FBXW11: variants seen among roughly 807,000 people sequenced by gnomAD.
The protein encoded by FBXW11 is F-box and WD repeat domain containing 11, also known as F-box/WD repeat-containing protein 11.
FBXW11 carries 19 observed loss-of-function variants against 77.6 expected under a neutral mutation model. The ratio of observed to expected loss-of-function variants is 0.24; its 90% confidence interval spans 0.17 to 0.36. The LOEUF (loss-of-function observed/expected upper bound fraction) is 0.36, where lower values mean the gene tolerates loss of function less well. Among genes scored for constraint, FBXW11 ranks in the 10% least tolerant of loss-of-function variants. FBXW11 has a pLI of 1.00. For missense variants in FBXW11, 334 were observed against 704.2 expected (o/e 0.47, Z 5.95); for synonymous variants, 235 against 249.4 (o/e 0.94, Z 0.54).
intron 1 of FBXW11, among the ~76,000 whole-genome samples, chr5:172,002,932 C>T (rs1260991241): frequency 6.6e-6 from 1 of 151,990 alleles, no homozygotes; most frequent in Non-Finnish European, 1.5e-5. Context: ...CTCCTGGGCT[C>T]AAGCAATCCT....
intron 4 of FBXW11, among the ~76,000 whole-genome samples, chr5:171,907,528 A>G (rs1760607551): frequency 1.3e-5 from 2 of 152,182 alleles, no homozygotes; most frequent in South Asian, 2.1e-4. Context: ...TAGGTCTACT[A>G]GATACTAACT....
chr5:171,911,390 C>T (rs1395133711), intron 3 of FBXW11, among the ~76,000 whole-genome samples: 1 of 152,116 alleles, frequency 6.6e-6, no homozygotes, highest in East Asian at 1.9e-4. Context: ...AACAAGTTTC[C>T]CAGCAATGCT....
At chr5:171,979,791 A>T (rs1765046813) in intron 1 of FBXW11, among the ~76,000 whole-genome samples, 1 of 152,200 alleles carries the variant, frequency 6.6e-6, no homozygotes. Flanking sequence ...TTTCTGCAGA[A>T]AGGGTACACT....
intron 13 of FBXW11, among the ~76,000 whole-genome samples, chr5:171,865,264 C>T (rs1161060240): frequency 1.3e-5 from 2 of 151,240 alleles, no homozygotes; most frequent in African/African-American, 4.9e-5. Flanking sequence ...CACATGTACC[C>T]TAGAACTTAA....
At chr5:171,946,530 C>G (rs1231375494) in intron 2 of FBXW11, among the ~76,000 whole-genome samples, 1 of 152,170 alleles carries the variant, frequency 6.6e-6, no homozygotes, top group Admixed American at 6.5e-5. Flanking sequence ...CTCCCTCATT[C>G]CACATTCCAG....
chr5:171,883,851 G>T (rs1447272656), intron 7 of FBXW11, among the ~76,000 whole-genome samples: 1 of 151,880 alleles, frequency 6.6e-6, no homozygotes, highest in Non-Finnish European at 1.5e-5. Flanking sequence ...TGATGGGATT[G>T]TTTGTTTTTT....
intron 1 of FBXW11, among the ~76,000 whole-genome samples, chr5:171,978,061 G>A (rs1328844602): frequency 6.6e-6 from 1 of 152,038 alleles, no homozygotes; most frequent in Non-Finnish European, 1.5e-5. Flanking sequence ...AACTCTAAAG[G>A]ACAAGCAGAG....
chr5:171,942,694 C>A (rs1386125067), intron 2 of FBXW11, among the ~76,000 whole-genome samples: 2 of 152,014 alleles, frequency 1.3e-5, no homozygotes, highest in African/African-American at 4.8e-5. Context: ...TCCAGTTGCT[C>A]AGAAGGCTGA....
chr5:171,902,787 A>G lies in FBXW11; in HGVS notation c.437-2687T>C, dbSNP rs192723294. On this transcript the variant is annotated intron_variant, in intron 4 of 13. Transcript: ENST00000517395. Reference sequence around the variant, plus strand: ...ACAGGTTTTGCCACTATCCAGGCATACAATGTATTTAGGCCTACTTGTCTA... The same window carrying G: ...ACAGGTTTTGCCACTATCCAGGCATGCAATGTATTTAGGCCTACTTGTCTA... Among the ~76,000 whole-genome samples the G allele has an allele frequency of 2.1e-3, 314 of 152,358 alleles. 1 individual carries two copies. The highest frequency in any genetic ancestry group is 3.6e-3 in the Non-Finnish European group (244 of 68,030).
At position 171,899,111 on chromosome 5, in the gene FBXW11, A is replaced by C. The variant is rs754754416; in HGVS notation, c.624-17T>G. The C allele has an allele frequency of 1.3e-6, 2 of 1,544,146 alleles. No individual in the cohort carries two copies. Among genetic ancestry groups the C allele is most frequent in the Non-Finnish European group, 1.8e-6 (2 of 1,135,886 alleles). Reference sequence around the variant, plus strand: ...TACTGATCCCTGGCAAATAAAAACAAACAGATGTTACATTTTTGCACATAA... The same window carrying C: ...TACTGATCCCTGGCAAATAAAAACACACAGATGTTACATTTTTGCACATAA... On this transcript the variant is annotated splice_polypyrimidine_tract_variant and intron_variant, in intron 5 of 13. Coordinates refer to ENST00000517395, the MANE Select transcript of FBXW11 (RefSeq NM_001378974.1).
intron 13 of FBXW11, among the ~76,000 whole-genome samples, chr5:171,866,522 T>C (rs555565681): frequency 1.3e-5 from 2 of 152,298 alleles, no homozygotes; most frequent in Non-Finnish European, 2.9e-5. Flanking sequence ...ACAAGTTTCC[T>C]TTCTACCACA....
chr5:171,931,655 A>C (rs1382669378), intron 2 of FBXW11, among the ~76,000 whole-genome samples: 2 of 152,228 alleles, frequency 1.3e-5, no homozygotes, highest in African/African-American at 4.8e-5. Flanking sequence ...ATCCATGAAG[A>C]ATTATTAAGC....
chr5:171,943,499 G>A (rs893729504), intron 2 of FBXW11, among the ~76,000 whole-genome samples: 1 of 151,972 alleles, frequency 6.6e-6, no homozygotes, highest in African/African-American at 2.4e-5. Flanking sequence ...TCGCTCTGTC[G>A]CCAGGCTGGA....
intron 1 of FBXW11, 54 bp from the exon 2 acceptor site, chr5:171,957,752 A>C: frequency 6.9e-7 from 1 of 1,457,818 alleles, no homozygotes; most frequent in Non-Finnish European, 9.6e-7. Flanking sequence ...GCCGCAACAA[A>C]TCACTCCTTC....
chr5:171,885,663 G>T (rs1279484852), intron 7 of FBXW11, among the ~76,000 whole-genome samples: 1 of 152,096 alleles, frequency 6.6e-6, no homozygotes, highest in Non-Finnish European at 1.5e-5. Flanking sequence ...TAACAATATT[G>T]TTGATATTTA....
chr5:171,897,088 G>A (rs1759792916), intron 6 of FBXW11, among the ~76,000 whole-genome samples: 1 of 152,178 alleles, frequency 6.6e-6, no homozygotes, highest in Non-Finnish European at 1.5e-5. Flanking sequence ...CCCACTAGCT[G>A]TGTGATCCTG....
intron 2 of FBXW11, among the ~76,000 whole-genome samples, chr5:171,952,443 A>ATATATATATATATATATT (rs1763384537): frequency 9.3e-5 from 1 of 10,760 alleles, no homozygotes; most frequent in Non-Finnish European, 2.1e-4. Context: ...ATATATATAT[A>ATATATATATATATATATT]TATATTTTTT....
intron 2 of FBXW11, among the ~76,000 whole-genome samples, chr5:171,921,688 T>C (rs1192118797): frequency 6.6e-6 from 1 of 152,144 alleles, no homozygotes; most frequent in African/African-American, 2.4e-5. Flanking sequence ...GGGTCTTTAT[T>C]GCAAGGAGAG....
At chr5:171,943,202 C>A (rs1762836212) in intron 2 of FBXW11, among the ~76,000 whole-genome samples, 1 of 152,152 alleles carries the variant, frequency 6.6e-6, no homozygotes, top group Admixed American at 6.5e-5. Context: ...CTGTCTACAA[C>A]AATTGGCAGC....
Sources: allele counts gnomAD v4.1 joint callset (sites outside exome capture counted in the v4.1 genomes callset), GRCh38; gene constraint gnomAD v4.1.1; transcripts MANE v1.5; gene names NCBI Gene and HGNC (gene_info 2026-07-23, HGNC 2026-07-21).